Variants in FHIT observed in about 807,000 individuals in gnomAD.
The protein encoded by FHIT is fragile histidine triad diadenosine triphosphatase, also known as bis(5'-adenosyl)-triphosphatase.
FHIT carries 19 observed loss-of-function variants against 17.9 expected under a neutral mutation model. That is an observed-to-expected ratio of 1.06 (90% confidence interval 0.74 to 1.56). The LOEUF (loss-of-function observed/expected upper bound fraction) is 1.56. Among genes scored for constraint, FHIT ranks in the 40% most tolerant of loss-of-function variants. The pLI, the probability that FHIT is intolerant of heterozygous loss-of-function variation, is 0.00. For missense variants in FHIT, 248 were observed against 189.2 expected (o/e 1.31, Z -1.82); for synonymous variants, 81 against 69.7 (o/e 1.16, Z -0.81).
chr3:60,179,638 AC>A, intron 5 of FHIT, among the ~76,000 whole-genome samples: 1 of 152,176 alleles, frequency 6.6e-6, no homozygotes, highest in South Asian at 2.1e-4. Context: ...TAGCTACAGG[AC>A]CTCAAATATT....
chr3:59,836,675 G>A (rs1701350972), intron 8 of FHIT, among the ~76,000 whole-genome samples: 1 of 152,176 alleles, frequency 6.6e-6, no homozygotes, highest in Admixed American at 6.5e-5. Flanking sequence ...TGTGGCAGCT[G>A]AAGTCCAAAT....
chr3:60,855,867 A>G (rs1703359020), intron 3 of FHIT, among the ~76,000 whole-genome samples: 1 of 152,116 alleles, frequency 6.6e-6, no homozygotes, highest in African/African-American at 2.4e-5. Context: ...ATGAGTTACA[A>G]TGAGGGTGAA....
At chr3:59,966,612 A>C (rs1237758716) in intron 7 of FHIT, among the ~76,000 whole-genome samples, 1 of 152,218 alleles carries the variant, frequency 6.6e-6, no homozygotes, top group Non-Finnish European at 1.5e-5. Context: ...TAATGGTAAC[A>C]TAATGATAAG....
intron 5 of FHIT, among the ~76,000 whole-genome samples, chr3:60,370,179 T>C (rs1700269551): frequency 6.7e-6 from 1 of 148,586 alleles, no homozygotes; most frequent in Admixed American, 6.8e-5. Flanking sequence ...AGTTTATAGA[T>C]ATACACTTGA....
At chr3:60,849,468 T>TATATA (rs1553747614) in intron 3 of FHIT, among the ~76,000 whole-genome samples, 1 of 129,736 alleles carries the variant, frequency 7.7e-6, no homozygotes, top group African/African-American at 3.1e-5. Flanking sequence ...ATATATAAAA[T>TATATA]TATTATGATT....
chr3:60,106,293 A>G (rs1182476664), intron 5 of FHIT, among the ~76,000 whole-genome samples: 7 of 152,208 alleles, frequency 4.6e-5, no homozygotes, highest in African/African-American at 1.2e-4. Flanking sequence ...TGAAAAGTCA[A>G]AAGTTCCTGA....
At position 61,064,169 on chromosome 3, in the gene FHIT, A is replaced by G. The variant is rs552797412; in HGVS notation, c.-163-22070T>C. ...TGCATGTGTGACTCAGTTCTAGCCAAAGAGAAATCGAAAGATATCTGCTAA... is the reference window on the plus strand; with the variant it reads ...TGCATGTGTGACTCAGTTCTAGCCAGAGAGAAATCGAAAGATATCTGCTAA... On this transcript the variant is annotated intron_variant, in intron 2 of 9. Transcript: ENST00000492590. Among the ~76,000 whole-genome samples the G allele has an allele frequency of 1.0e-3, 153 of 152,300 alleles. 3 individuals are homozygous for G. The highest frequency in any genetic ancestry group is 8.5e-4 in the Admixed American group (13 of 15,312).
intron 5 of FHIT, among the ~76,000 whole-genome samples, chr3:60,074,449 G>C (rs1003134560): frequency 6.6e-6 from 1 of 151,954 alleles, no homozygotes; most frequent in Non-Finnish European, 1.5e-5. Context: ...GAAGAGCAAA[G>C]CATCAAAAGT....
chr3:60,167,959 G>C (rs1701252106), intron 5 of FHIT, among the ~76,000 whole-genome samples: 1 of 152,120 alleles, frequency 6.6e-6, no homozygotes, highest in Admixed American at 6.5e-5. Flanking sequence ...GAGAGGTTGA[G>C]AACTCAGTGA....
chr3:60,372,116 C>A (rs1700355418), intron 5 of FHIT, among the ~76,000 whole-genome samples: 1 of 151,850 alleles, frequency 6.6e-6, no homozygotes, highest in Non-Finnish European at 1.5e-5. Flanking sequence ...GTACTTTTAC[C>A]CAAATGGTCT....
chr3:60,300,165 T>C (rs968693835), intron 5 of FHIT, among the ~76,000 whole-genome samples: 6 of 152,112 alleles, frequency 3.9e-5, no homozygotes, highest in African/African-American at 1.4e-4. Flanking sequence ...TTGTCTTATA[T>C]ACAATATTCA....
intron 5 of FHIT, among the ~76,000 whole-genome samples, chr3:60,117,186 A>AAGATTTCCAGTAGTTGGCTTGAG (rs1559647028): frequency 7.9e-6 from 1 of 127,120 alleles, no homozygotes; most frequent in Non-Finnish European, 1.7e-5. Context: ...GTTGGCTTGA[A>AAGATTTCCAGTAGTTGGCTTGAG]TTCCAGAAGG....
At chr3:60,671,264 A>G (rs1406365998) in intron 4 of FHIT, among the ~76,000 whole-genome samples, 7 of 152,158 alleles carry the variant, frequency 4.6e-5, no homozygotes, top group African/African-American at 1.7e-4. Flanking sequence ...AGTCCAATAT[A>G]TAAGATAGAA....
intron 2 of FHIT, among the ~76,000 whole-genome samples, chr3:61,160,365 A>G (rs996474851): frequency 6.6e-6 from 1 of 152,244 alleles, no homozygotes; most frequent in Non-Finnish European, 1.5e-5. Flanking sequence ...AGAGGAAAAA[A>G]TAAATGTATT....
At chr3:59,863,148 C>A (rs1270111391) in intron 8 of FHIT, among the ~76,000 whole-genome samples, 1 of 152,214 alleles carries the variant, frequency 6.6e-6, no homozygotes, top group Non-Finnish European at 1.5e-5. Context: ...TATTTAGAAA[C>A]CTGGGTCAAT....
chr3:61,111,253 C>T (rs2036151159), intron 2 of FHIT, among the ~76,000 whole-genome samples: 1 of 152,122 alleles, frequency 6.6e-6, no homozygotes, highest in Non-Finnish European at 1.5e-5. Flanking sequence ...GCATTTATTC[C>T]AAATGATACA....
intron 4 of FHIT, among the ~76,000 whole-genome samples, chr3:60,571,959 T>C (rs1255751820): frequency 6.6e-6 from 1 of 152,152 alleles, no homozygotes; most frequent in Admixed American, 6.5e-5. Context: ...ATTTCTTTGG[T>C]CATTGCTTTT....
rs116531927 is a variant in FHIT, at chr3:59,846,281, G to T, written c.348+76065C>A. 3.2e-3 allele frequency among the ~76,000 whole-genome samples: 487 copies of T among 151,886 alleles called. 3 individuals are homozygous for T. Among genetic ancestry groups the T allele is most frequent in the African/African-American group, 0.011 (462 of 41,458 alleles). ...ATATTCTTTAGCTGTTGTCTTTGTG[G>T]TTACCATGGAAATTATATTTAACAT... On this transcript the variant is annotated intron_variant, in intron 8 of 9. Coordinates refer to ENST00000492590, the MANE Select transcript of FHIT (RefSeq NM_002012.4).
In FHIT at chr3:60,896,989, T is replaced by C. The variant is rs186932768; in HGVS notation, c.-110-74978A>G. Among the ~76,000 whole-genome samples, 112 of 152,298 alleles carry C rather than the reference T, an allele frequency of 7.4e-4. 1 individual carries two copies. Among genetic ancestry groups the C allele is most frequent in the Admixed American group, 1.6e-3 (24 of 15,292 alleles). ...CTTCCTGTGTATCCTTTTGCAAAAATAATCAGACACATAGATAAAGACATT... is the reference window on the plus strand; with the variant it reads ...CTTCCTGTGTATCCTTTTGCAAAAACAATCAGACACATAGATAAAGACATT... On this transcript the variant is annotated intron_variant, in intron 3 of 9. Coordinates refer to ENST00000492590, the MANE Select transcript of FHIT (RefSeq NM_002012.4).
Sources: allele counts gnomAD v4.1 joint callset (sites outside exome capture counted in the v4.1 genomes callset), GRCh38; gene constraint gnomAD v4.1.1; transcripts MANE v1.5; gene names NCBI Gene and HGNC (gene_info 2026-07-23, HGNC 2026-07-21).